Variants in IL3RA observed in about 807,000 individuals in gnomAD.
IL3RA encodes the protein interleukin-3 receptor subunit alpha.
IL3RA carries 73 observed loss-of-function variants against 52.3 expected under a neutral mutation model. That is an observed-to-expected ratio of 1.40 (90% CI 1.16 to 1.70). The LOEUF (loss-of-function observed/expected upper bound fraction) is 1.70. Among genes scored for constraint, IL3RA ranks in the 40% most tolerant of loss-of-function variants. IL3RA has a pLI of 0.00. For missense variants in IL3RA, 664 were observed against 504.4 expected, an observed-to-expected ratio of 1.32 and a Z score of -3.03; for synonymous variants, 260 against 194.0, an observed-to-expected ratio of 1.34 and a Z score of -2.83.
At chrX:1,343,775 C>CTTTTT in intron 2 of IL3RA, among the ~76,000 whole-genome samples, 1 of 128,840 alleles carries the variant, frequency 7.8e-6, no homozygotes, top group South Asian at 2.4e-4. Flanking sequence ...TTCTTTCTTT[C>CTTTTT]TTTTTTTTTT....
Position 1,381,019 on chromosome X carries a change from C to T in IL3RA, c.981-4C>T, listed in dbSNP as rs377318135. On this transcript the variant is annotated splice_region_variant and splice_polypyrimidine_tract_variant and intron_variant, in intron 10 of 11. Transcript: ENST00000331035. Reference sequence around the variant, plus strand: ...AGAGCTGGGCCATTTCTCTTTCCTCCGAGGTATCTGGTGATGCAGAGACTC... The same window carrying T: ...AGAGCTGGGCCATTTCTCTTTCCTCTGAGGTATCTGGTGATGCAGAGACTC... 8.1e-5 allele frequency: 130 copies of T among 1,613,314 alleles called. No homozygotes were observed. The highest frequency in any genetic ancestry group is 1.0e-4 in the Non-Finnish European group (123 of 1,179,434).
At chrX:1,348,048 A>C (rs1403181930) in intron 3 of IL3RA, among the ~76,000 whole-genome samples, 2 of 120,152 alleles carry the variant, frequency 1.7e-5, no homozygotes, top group East Asian at 2.6e-4. Flanking sequence ...AAAAAAAAAA[A>C]AACAGAAAAA....
chrX:1,355,818 T>A (rs2086664663), intron 6 of IL3RA, among the ~76,000 whole-genome samples: 2 of 151,560 alleles, frequency 1.3e-5, no homozygotes, highest in Admixed American at 6.6e-5. Context: ...GAAGTAGGGG[T>A]TGGCCCTGGG....
intron 9 of IL3RA, among the ~76,000 whole-genome samples, chrX:1,377,998 G>A (rs1247567839): frequency 2.0e-5 from 3 of 151,048 alleles, no homozygotes; most frequent in Non-Finnish European, 4.4e-5. Flanking sequence ...CCAGCCTAAC[G>A]AAGATGGTGA....
At chrX:1,381,538 ATTTT>A (rs555777406) in intron 11 of IL3RA, among the ~76,000 whole-genome samples, 25 of 140,146 alleles carry the variant, frequency 1.8e-4, no homozygotes, top group African/African-American at 5.5e-4. Flanking sequence ...AGCAGAGCAG[ATTTT>A]TTTTTTTTTT....
chrX:1,355,537 G>A (rs768385705), intron 6 of IL3RA, among the ~76,000 whole-genome samples: 30 of 149,966 alleles, frequency 2.0e-4, no homozygotes, highest in Non-Finnish European at 2.7e-4. Flanking sequence ...CCAGGCAGCC[G>A]GACACACAGG....
chrX:1,356,359 GC>G (rs748753271), intron 7 of IL3RA, 23 bp downstream of exon 7: 241 of 1,194,316 alleles, frequency 2.0e-4, no homozygotes, highest in Non-Finnish European at 2.4e-4. Context: ...CCCGCCCCCA[GC>G]CCCCCCACCC....
At chrX:1,359,299 C>T (rs1420072602) in intron 8 of IL3RA, among the ~76,000 whole-genome samples, 2 of 152,028 alleles carry the variant, frequency 1.3e-5, no homozygotes, top group Non-Finnish European at 2.9e-5. Flanking sequence ...CCAGCAGAGA[C>T]AAGCATTCAG....
At position 1,382,549 on chromosome X, in the gene IL3RA, G is replaced by A. The variant is rs762755660; in HGVS notation, c.*84G>A. 3.7e-4 allele frequency: 469 copies of A among 1,252,960 alleles called. 2 individuals carry two copies. The African/African-American group carries it at 4.8e-3, about 13-fold the overall frequency. The allele number at this position is 1,252,960 out of a possible 1,614,324, so 77.6% of individuals were successfully genotyped here. A position where few individuals can be genotyped will look rare whatever the true frequency, so the allele number is the denominator to read the frequency against. On this transcript the variant is annotated 3_prime_UTR_variant, in exon 12 of 12. Coordinates refer to ENST00000331035, the MANE Select transcript of IL3RA (RefSeq NM_002183.4). ...TGCACAGACTGGCTGCTGGACCTGC[G>A]CACGCAGCCCAGGAATGGACATTCC... is the stretch of plus-strand genomic sequence containing the variant.
At chrX:1,381,869 CTG>C (rs1262545530) in intron 11 of IL3RA, among the ~76,000 whole-genome samples, 1 of 151,636 alleles carries the variant, frequency 6.6e-6, no homozygotes, top group East Asian at 1.9e-4. Flanking sequence ...TTAGTGATAC[CTG>C]TGTCCCTAAG....
intron 3 of IL3RA, 95 bp downstream of exon 3, chrX:1,345,529 G>T: frequency 1.2e-6 from 1 of 853,022 alleles, no homozygotes; most frequent in Non-Finnish European, 1.6e-6. Flanking sequence ...TTGCTCTGTC[G>T]CCCAGGCTGG....
At chrX:1,361,870 C>G (rs745804747) in intron 8 of IL3RA, among the ~76,000 whole-genome samples, 4 of 151,954 alleles carry the variant, frequency 2.6e-5, no homozygotes, top group Admixed American at 2.6e-4. Context: ...AAACTGCCCC[C>G]ATGATTCAGT....
intron 11 of IL3RA, among the ~76,000 whole-genome samples, chrX:1,381,928 TTTTTGTTTTG>T (rs770833059): frequency 6.4e-5 from 7 of 109,732 alleles, no homozygotes; most frequent in East Asian, 2.4e-4. Flanking sequence ...CTGTCAGAGT[TTTTTGTTTTG>T]TTTTGTTTTG....
intron 8 of IL3RA, among the ~76,000 whole-genome samples, chrX:1,360,140 T>C (rs1195056800): frequency 1.7e-4 from 25 of 149,018 alleles, no homozygotes; most frequent in Non-Finnish European, 4.5e-5. Flanking sequence ...TCCGTGTCTG[T>C]CTCTGTGTCT....
chrX:1,337,879 T>C (rs2085365593), intron 1 of IL3RA, among the ~76,000 whole-genome samples: 1 of 149,158 alleles, frequency 6.7e-6, no homozygotes, highest in African/African-American at 2.5e-5. Context: ...CTCATACCCA[T>C]CTATAGATGA....
intron 10 of IL3RA, 152 bp from the exon 11 acceptor site, chrX:1,380,871 G>T: frequency 1.4e-6 from 1 of 703,860 alleles, no homozygotes; most frequent in Non-Finnish European, 2.5e-6. Flanking sequence ...GGCGTGTCAG[G>T]GCCTCAGGGG....
Position 1,344,969 on chromosome X carries a change from T to C in IL3RA, c.65-347T>C, listed in dbSNP as rs1235121912. Among the ~76,000 whole-genome samples, 4 of 146,406 alleles carry C rather than the reference T, an allele frequency of 2.7e-5. No individual in the cohort carries two copies. The East Asian group carries it at 6.1e-4, about 22-fold the overall frequency. On this transcript the variant is annotated intron_variant, in intron 2 of 11. Coordinates refer to ENST00000331035, the MANE Select transcript of IL3RA (RefSeq NM_002183.4). ...TGAGGTCAGGAGATCGAGACCATCC[T>C]GGCTAACACGGTGAAACGCCATCTC...
chrX:1,356,352 G>GCCCCCAGCC lies in IL3RA; in HGVS notation c.732+23_732+31dup. ...GATACAAAAGGTAAACTTTCACCCC[G>GCCCCCAGCC]CCCCCAGCCCCCCCACCCCCGTGGA... On this transcript the variant is annotated intron_variant, in intron 7 of 11. Transcript: ENST00000331035. 6.8e-7 allele frequency: 1 copy of GCCCCCAGCC among 1,466,904 alleles called. No homozygotes were observed. The highest frequency in any genetic ancestry group is 9.3e-7 in the Non-Finnish European group (1 of 1,071,566). The allele number at this position is 1,466,904 out of a possible 1,614,324, so 90.9% of individuals were successfully genotyped here.
At position 1,357,547 on chromosome X, in the gene IL3RA, A is replaced by G. The variant is rs1443478541; in HGVS notation, c.732+1211A>G. Among the ~76,000 whole-genome samples, 6 of 150,822 alleles carry G rather than the reference A, an allele frequency of 4.0e-5. No homozygotes were observed. In the East Asian group the frequency reaches 8.1e-4, roughly 20 times the overall value. Reference sequence around the variant, plus strand: ...GCTAATTTTTTTTTGTATTTTTAGTAGAGATGGGGTTTCACCATCTTGTCC... The same window carrying G: ...GCTAATTTTTTTTTGTATTTTTAGTGGAGATGGGGTTTCACCATCTTGTCC... On this transcript the variant is annotated intron_variant, in intron 7 of 11. Coordinates refer to ENST00000331035, the MANE Select transcript of IL3RA (RefSeq NM_002183.4).
Sources: allele counts gnomAD v4.1 joint callset (sites outside exome capture counted in the v4.1 genomes callset), GRCh38; gene constraint gnomAD v4.1.1; transcripts MANE v1.5; gene names NCBI Gene and HGNC (gene_info 2026-07-23, HGNC 2026-07-21).